ABCA13: variants seen among roughly 807,000 people sequenced by gnomAD.
The protein encoded by ABCA13 is ATP binding cassette subfamily A member 13.
In ABCA13, 476 loss-of-function variants were observed where a neutral mutation model predicts 478.7. That is an observed-to-expected ratio of 0.99 (90% CI 0.92 to 1.07). ABCA13 has a LOEUF of 1.07. Among genes scored for constraint, ABCA13 ranks in the 50% least tolerant of loss-of-function variants. The probability of loss-of-function intolerance (pLI) is 0.00; values close to 1 mark genes in which losing one functional copy is unlikely to be tolerated. For synonymous variants in ABCA13, 2,252 were observed against 2,158.9 expected (o/e 1.04, Z -1.20); for missense variants, 6,060 against 5,910.6 (o/e 1.03, Z -0.83).
In ABCA13 at chr7:48,617,336, G is replaced by A. The variant is rs147841178; in HGVS notation, c.14837+1959G>A. Among the ~76,000 whole-genome samples the A allele has an allele frequency of 5.4e-4, 82 of 152,280 alleles. 1 individual carries two copies. The highest frequency in any genetic ancestry group is 1.8e-3 in the African/African-American group (74 of 41,562). Reference sequence around the variant, plus strand: ...TCCATGAACATGAATTGTTAGGAACGTGAATAAGGAAGAGTAGGGTCTGGG... The same window carrying A: ...TCCATGAACATGAATTGTTAGGAACATGAATAAGGAAGAGTAGGGTCTGGG... On this transcript the variant is annotated intron_variant, in intron 59 of 61. Transcript: ENST00000435803.
rs1254511242 is a variant in ABCA13 at position 48,611,316 on chromosome 7, A to G, written c.14745-3969A>G. 4.6e-5 allele frequency among the ~76,000 whole-genome samples: 7 copies of G among 152,026 alleles called. 1 individual carries two copies. In the East Asian group the frequency reaches 7.7e-4, roughly 17 times the overall value. On this transcript the variant is annotated intron_variant, in intron 58 of 61. Coordinates refer to ENST00000435803, the MANE Select transcript of ABCA13 (RefSeq NM_152701.5). The stretch of plus-strand genomic sequence containing the variant: ...AAGTTCCAAACTCCCTTATTTTCCC[A>G]TCTTCTCCTGAGCCCTCCAAACTGT...
intron 48 of ABCA13, among the ~76,000 whole-genome samples, chr7:48,494,599 A>G (rs953019152): frequency 2.0e-5 from 3 of 152,194 alleles, no homozygotes; most frequent in Non-Finnish European, 4.4e-5. Flanking sequence ...CCCAGTATGG[A>G]ACAAGGACTG....
At chr7:48,192,481 C>G (rs1003113492) in intron 1 of ABCA13, among the ~76,000 whole-genome samples, 5 of 151,890 alleles carry the variant, frequency 3.3e-5, no homozygotes, top group Non-Finnish European at 7.4e-5. Context: ...TATTATGCAA[C>G]AAGTAAGCTG....
At chr7:48,177,255 T>A (rs1217306470) in intron 1 of ABCA13, among the ~76,000 whole-genome samples, 1 of 152,240 alleles carries the variant, frequency 6.6e-6, no homozygotes, top group Non-Finnish European at 1.5e-5. Context: ...AAGGATTTAC[T>A]AAGGGAATCA....
intron 51 of ABCA13, 102 bp downstream of exon 51, chr7:48,511,301 C>A: frequency 1.1e-6 from 1 of 945,884 alleles, no homozygotes; most frequent in Non-Finnish European, 1.6e-6. Flanking sequence ...GATTTCCTCT[C>A]TTTTGAAGCA....
At chr7:48,224,300 A>G (rs1234245082) in intron 5 of ABCA13, among the ~76,000 whole-genome samples, 2 of 152,200 alleles carry the variant, frequency 1.3e-5, no homozygotes, top group Non-Finnish European at 2.9e-5. Flanking sequence ...TGGGGTGACC[A>G]CCAGACTCAC....
Position 48,279,590 on chromosome 7 carries a change from T to G in ABCA13, c.8396T>G (p.Phe2799Cys). 6.2e-7 allele frequency: 1 copy of G among 1,613,234 alleles called. No individual in the cohort carries two copies. Among genetic ancestry groups the G allele is most frequent in the South Asian group, 1.1e-5 (1 of 90,938 alleles). ...GGTGATTTGAATAAAAGTTTATATT[T>G]TGACACACCTTTGAGTCAGAATATA... ...YEGDLNKSLY[F>C]DTPLSQNITH... The change falls in exon 18 of 62, where the codon TTT (phenylalanine) becomes TGT (cysteine). Residue 2799 changes from phenylalanine (F) to cysteine (C), a missense_variant. By Grantham distance (205) the Phe-to-Cys change is radical. Coordinates refer to ENST00000435803, the MANE Select transcript of ABCA13 (RefSeq NM_152701.5).
chr7:48,280,059 A>T, intron 18 of ABCA13, 139 bp downstream of exon 18: 2 of 865,620 alleles, frequency 2.3e-6, no homozygotes, highest in South Asian at 8.7e-5. Context: ...GTTGGCTTCA[A>T]CATAGAGCAA....
chr7:48,436,617 A>G (rs1306426989), intron 42 of ABCA13, among the ~76,000 whole-genome samples: 1 of 151,678 alleles, frequency 6.6e-6, no homozygotes, highest in Non-Finnish European at 1.5e-5. Context: ...TAGAATGTTT[A>G]CTTGAAGTCT....
Position 48,455,162 on chromosome 7 carries a change from C to T in ABCA13, c.12691C>T (p.Leu4231=). 1 of 1,584,582 alleles carries T rather than the reference C, an allele frequency of 6.3e-7. No individual in the cohort carries two copies. Among genetic ancestry groups the T allele is most frequent in the Non-Finnish European group, 8.6e-7 (1 of 1,165,746 alleles). The change falls in exon 43 of 62, where the codon CTG becomes TTG. Residue 4231 remains leucine (L), a synonymous_variant. Coordinates refer to ENST00000435803, the MANE Select transcript of ABCA13 (RefSeq NM_152701.5). The part of the protein sequence containing the change: ...RAGKSTLADL[L]LPVLFVALAM... ...CGGGAAGAGCACCCTCGCCGACCTG[C>T]TGCTGCCAGTCCTCTTCGTGGCCTT... is the stretch of plus-strand genomic sequence containing the variant.
At chr7:48,221,076 A>G (rs1186294755) in intron 4 of ABCA13, among the ~76,000 whole-genome samples, 1 of 152,186 alleles carries the variant, frequency 6.6e-6, no homozygotes, top group African/African-American at 2.4e-5. Context: ...TTTTCCATGA[A>G]TATACTTAGA....
Position 48,403,882 on chromosome 7 carries a change from A to G in ABCA13, c.12070+3A>G. 1.2e-6 allele frequency: 2 copies of G among 1,611,920 alleles called. No individual in the cohort carries two copies. The highest frequency in any genetic ancestry group is 1.7e-6 in the Non-Finnish European group (2 of 1,179,022). On this transcript the variant is annotated splice_donor_region_variant and intron_variant, in intron 39 of 61. Transcript: ENST00000435803. ...CATTCTGCTCAAGTACCGAGAAGGT[A>G]GGCACTGGGCCTCATTCTGCCTTCT... is the stretch of plus-strand genomic sequence containing the variant.
At chr7:48,431,382 AACAAC>A (rs869293654) in intron 42 of ABCA13, among the ~76,000 whole-genome samples, 6 of 151,636 alleles carry the variant, frequency 4.0e-5, no homozygotes, top group East Asian at 1.9e-4. Context: ...CAACAACAAC[AACAAC>A]AAATCTCTTT....
chr7:48,641,315 T>C (rs561913743), intron 59 of ABCA13, among the ~76,000 whole-genome samples: 4 of 152,352 alleles, frequency 2.6e-5, no homozygotes, highest in Non-Finnish European at 5.9e-5. Flanking sequence ...TATCTGCTTT[T>C]ATCTAAGTTC....
intron 5 of ABCA13, among the ~76,000 whole-genome samples, chr7:48,224,870 C>T (rs898230465): frequency 6.6e-6 from 1 of 152,176 alleles, no homozygotes; most frequent in Non-Finnish European, 1.5e-5. Flanking sequence ...TTTCCACCTC[C>T]TCAGCTCCTT....
chr7:48,282,230 C>A (rs1797147751), intron 19 of ABCA13, among the ~76,000 whole-genome samples: 1 of 152,230 alleles, frequency 6.6e-6, no homozygotes, highest in Non-Finnish European at 1.5e-5. Flanking sequence ...GTCCCACGAG[C>A]TGCTTTAGAG....
intron 42 of ABCA13, among the ~76,000 whole-genome samples, chr7:48,444,010 G>A (rs969189244): frequency 7.2e-5 from 11 of 151,842 alleles, no homozygotes; most frequent in Non-Finnish European, 1.3e-4. Flanking sequence ...GTTACAGGAG[G>A]AAACATCCTC....
At chr7:48,334,903 A>G (rs909757135) in intron 27 of ABCA13, among the ~76,000 whole-genome samples, 3 of 152,222 alleles carry the variant, frequency 2.0e-5, no homozygotes, top group African/African-American at 7.2e-5. Context: ...GAGTCCTTTT[A>G]TCTTGAGAGA....
chr7:48,233,622 A>C (rs919654314), intron 7 of ABCA13, among the ~76,000 whole-genome samples: 26 of 152,226 alleles, frequency 1.7e-4, no homozygotes, highest in African/African-American at 4.8e-4. Flanking sequence ...TAGACACTTA[A>C]CTGGTTTTCA....
Sources: gnomAD v4.1 joint callset for allele counts (sites outside exome capture counted in the v4.1 genomes callset) on GRCh38, gnomAD v4.1.1 for gene constraint, MANE v1.5 for transcripts, NCBI Gene and HGNC (gene_info 2026-07-23, HGNC 2026-07-21) for gene names.